EYS: variants seen among roughly 807,000 people sequenced by gnomAD.
The protein encoded by EYS is EGF-like photoreceptor maintenance factor.
A neutral mutation model predicts 282.1 loss-of-function variants in EYS; 250 were observed. That is an observed-to-expected ratio of 0.89 (90% confidence interval 0.80 to 0.98). The LOEUF is 0.98. Ranked by LOEUF, EYS falls within the 50% of genes least tolerant of loss-of-function variation. EYS has a pLI of 0.00. For missense variants in EYS, 4,016 were observed against 3,709.0 expected, an observed-to-expected ratio of 1.08 and a Z score of -2.15; for synonymous variants, 1,355 against 1,282.9, an observed-to-expected ratio of 1.06 and a Z score of -1.20.
At chr6:64,217,854 A>C (rs1765980102) in intron 31 of EYS, among the ~76,000 whole-genome samples, 1 of 152,174 alleles carries the variant, frequency 6.6e-6, no homozygotes, top group Non-Finnish European at 1.5e-5. Context: ...AGTAGAAAGC[A>C]CTGAGGCATA....
intron 36 of EYS, among the ~76,000 whole-genome samples, chr6:63,817,410 G>A (rs1287939029): frequency 2.0e-5 from 3 of 152,152 alleles, no homozygotes; most frequent in South Asian, 2.1e-4. Flanking sequence ...AGCTGGGTCC[G>A]GTAATGGGGG....
chr6:64,091,746 G>A (rs779326593), intron 31 of EYS, among the ~76,000 whole-genome samples: 4 of 151,888 alleles, frequency 2.6e-5, no homozygotes, highest in South Asian at 2.1e-4. Flanking sequence ...TTGGGATACT[G>A]ACATTGTCTT....
At chr6:65,184,628 A>C (rs1408603277) in intron 12 of EYS, among the ~76,000 whole-genome samples, 1 of 151,484 alleles carries the variant, frequency 6.6e-6, no homozygotes, top group African/African-American at 2.4e-5. Flanking sequence ...TTCCAAATAA[A>C]TACAGATTCA....
chr6:64,566,568 C>T (rs73764816), intron 26 of EYS, among the ~76,000 whole-genome samples: 4,233 of 152,158 alleles, frequency 0.028, 125 homozygotes, highest in East Asian at 0.11. Flanking sequence ...CTAGGCACTA[C>T]ACATTTATCT....
At chr6:63,722,151 C>T (rs1768423190) in intron 42 of EYS, among the ~76,000 whole-genome samples, 1 of 152,164 alleles carries the variant, frequency 6.6e-6, no homozygotes, top group Non-Finnish European at 1.5e-5. Flanking sequence ...TATAAATTCT[C>T]TGCACATTCC....
intron 12 of EYS, among the ~76,000 whole-genome samples, chr6:65,274,447 G>T (rs1253782140): frequency 1.3e-5 from 2 of 152,102 alleles, no homozygotes; most frequent in African/African-American, 2.4e-5. Context: ...TAGCTTTATT[G>T]CTTGAGCAAA....
At chr6:64,334,776 C>A (rs1224037215) in intron 29 of EYS, among the ~76,000 whole-genome samples, 1 of 152,078 alleles carries the variant, frequency 6.6e-6, no homozygotes, top group Non-Finnish European at 1.5e-5. Context: ...AAATTGATGA[C>A]AATGGAAAAG....
intron 26 of EYS, among the ~76,000 whole-genome samples, chr6:64,491,574 G>T (rs2150506125): frequency 6.6e-6 from 1 of 151,042 alleles, no homozygotes; most frequent in African/African-American, 2.4e-5. Flanking sequence ...TACTGGTCTA[G>T]ACACTTTTTA....
chr6:65,464,376 C>T (rs1764922565), intron 5 of EYS, among the ~76,000 whole-genome samples: 1 of 152,120 alleles, frequency 6.6e-6, no homozygotes, highest in African/African-American at 2.4e-5. Flanking sequence ...GCAAATTACA[C>T]TGTCTGGCTT....
chr6:63,801,830 A>G (rs1363072964), intron 37 of EYS, among the ~76,000 whole-genome samples: 1 of 152,230 alleles, frequency 6.6e-6, no homozygotes, highest in Non-Finnish European at 1.5e-5. Flanking sequence ...TGAAAGACTC[A>G]GAGAAGACTA....
intron 26 of EYS, among the ~76,000 whole-genome samples, chr6:64,451,630 A>T (rs1173535157): frequency 6.6e-6 from 1 of 152,190 alleles, no homozygotes; most frequent in Non-Finnish European, 1.5e-5. Flanking sequence ...GGCAAACCGA[A>T]TCCAGCAACA....
rs971694582 is a variant in EYS at position 63,832,612 on chromosome 6, T to C, written c.7229-26240A>G. On this transcript the variant is annotated intron_variant, in intron 36 of 42. Transcript: ENST00000503581. ...CCAAAAAAGTCCAGGACCAGACGGA[T>C]TCACAGCCTAATTCTACCAGAGGTA... 2.6e-5 allele frequency among the ~76,000 whole-genome samples: 4 copies of C among 152,128 alleles called. No individual in the cohort carries two copies. The East Asian group carries it at 7.7e-4, about 29-fold the overall frequency.
chr6:64,068,920 C>A (rs1454974819), intron 32 of EYS, among the ~76,000 whole-genome samples: 1 of 151,520 alleles, frequency 6.6e-6, no homozygotes, highest in Non-Finnish European at 1.5e-5. Context: ...GAGAGATTAT[C>A]CTATATTATC....
rs780433094 is a variant in EYS, at chr6:65,494,883, TTCC to T, written c.525_527del (p.Glu176del). The T allele has an allele frequency of 5.9e-5, 96 of 1,613,950 alleles. No homozygotes were observed. The East Asian group carries it at 2.1e-3, about 36-fold the overall frequency. On this transcript the variant is annotated inframe_deletion, in exon 4 of 43. Transcript: ENST00000503581. ...CAGAGCAAAATTCTGAACTCAGAGA[TTCC>T]TGGCAGAACTGCTGTTTCACTGTCA...
At chr6:65,007,309 G>A (rs987800057) in intron 13 of EYS, among the ~76,000 whole-genome samples, 1 of 152,034 alleles carries the variant, frequency 6.6e-6, no homozygotes, top group African/African-American at 2.4e-5. Flanking sequence ...TTTCCCCCAA[G>A]GCAAAAATGC....
At chr6:64,499,202 A>G (rs557926928) in intron 26 of EYS, among the ~76,000 whole-genome samples, 1 of 152,290 alleles carries the variant, frequency 6.6e-6, no homozygotes, top group South Asian at 2.1e-4. Flanking sequence ...AAATAAGCAT[A>G]GAAGATAAGG....
intron 15 of EYS, among the ~76,000 whole-genome samples, chr6:64,943,368 A>G (rs1228605994): frequency 6.6e-6 from 1 of 152,080 alleles, no homozygotes; most frequent in Non-Finnish European, 1.5e-5. Context: ...AGAGAAATAA[A>G]TAAAAGGTAT....
chr6:64,388,615 T>A, intron 29 of EYS, 75 bp downstream of exon 29: 1 of 1,334,358 alleles, frequency 7.5e-7, no homozygotes, highest in Non-Finnish European at 9.9e-7. Flanking sequence ...AAAGTTTTTC[T>A]TTTTCATTTA....
intron 1 of EYS, among the ~76,000 whole-genome samples, chr6:65,650,823 T>A (rs910011624): frequency 1.3e-5 from 2 of 152,158 alleles, no homozygotes; most frequent in African/African-American, 4.8e-5. Context: ...TACTGTTTTA[T>A]CTTATTTTTA....
Sources: allele counts gnomAD v4.1 joint callset (sites outside exome capture counted in the v4.1 genomes callset), GRCh38; gene constraint gnomAD v4.1.1; transcripts MANE v1.5; gene names NCBI Gene and HGNC (gene_info 2026-07-23, HGNC 2026-07-21).